PDS5B: variants seen among roughly 807,000 people sequenced by gnomAD.
PDS5B encodes the protein PDS5 cohesin associated factor B, also known as sister chromatid cohesion protein PDS5 homolog B.
PDS5B carries 51 observed loss-of-function variants against 184.1 expected under a neutral mutation model. The ratio of observed to expected loss-of-function variants is 0.28; its 90% CI spans 0.22 to 0.35. PDS5B has a LOEUF of 0.35. PDS5B is among the 10% of genes least tolerant of loss of function. The probability of loss-of-function intolerance (pLI) is 1.00; values close to 1 mark genes in which losing one functional copy is unlikely to be tolerated. For missense variants in PDS5B, 1,180 were observed against 1,723.3 expected, an observed-to-expected ratio of 0.68 and a Z score of 5.58; for synonymous variants, 566 against 569.2, an observed-to-expected ratio of 0.99 and a Z score of 0.08.
chr13:32,647,413 G>A (rs761405974), intron 1 of PDS5B, among the ~76,000 whole-genome samples: 8 of 152,088 alleles, frequency 5.3e-5, no homozygotes, highest in South Asian at 4.1e-4. Context: ...TGGGACTACA[G>A]GGGTGTGCCA....
At chr13:32,715,865 T>G (rs888638047) in intron 19 of PDS5B, among the ~76,000 whole-genome samples, 1 of 152,250 alleles carries the variant, frequency 6.6e-6, no homozygotes, top group East Asian at 1.9e-4. Context: ...TTTGCTGTGT[T>G]GGCCGGGCTG....
At chr13:32,648,526 A>C (rs1355808621) in intron 1 of PDS5B, among the ~76,000 whole-genome samples, 1 of 152,122 alleles carries the variant, frequency 6.6e-6, no homozygotes, top group Non-Finnish European at 1.5e-5. Context: ...GGTTAGGACA[A>C]ATAACAAAGC....
chr13:32,709,076 T>C (rs1177780667), intron 18 of PDS5B, among the ~76,000 whole-genome samples: 1 of 152,078 alleles, frequency 6.6e-6, no homozygotes, highest in Non-Finnish European at 1.5e-5. Flanking sequence ...TTATCATCTA[T>C]GTATGTATCT....
intron 9 of PDS5B, 99 bp from the exon 10 acceptor site, chr13:32,678,736 G>C (rs1482659505): frequency 1.8e-5 from 13 of 715,620 alleles, no homozygotes; most frequent in Non-Finnish European, 3.1e-5. Context: ...TTCATAAACT[G>C]TTTTTTCTTT....
intron 11 of PDS5B, among the ~76,000 whole-genome samples, chr13:32,684,721 G>A (rs577318299): frequency 1.3e-5 from 2 of 152,346 alleles, no homozygotes; most frequent in South Asian, 4.1e-4. Context: ...TAATTTTGGT[G>A]AAGGATGAGA....
intron 1 of PDS5B, among the ~76,000 whole-genome samples, chr13:32,606,844 A>G (rs1210877749): frequency 2.0e-5 from 3 of 152,132 alleles, no homozygotes; most frequent in African/African-American, 7.2e-5. Flanking sequence ...CCTTTCTTCC[A>G]CTTGATCAGA....
At chr13:32,656,151 T>A (rs1182937848) in intron 3 of PDS5B, among the ~76,000 whole-genome samples, 1 of 152,316 alleles carries the variant, frequency 6.6e-6, no homozygotes, top group Admixed American at 6.5e-5. Context: ...GTAGCATTAT[T>A]TCTGGACTTT....
At chr13:32,708,162 C>T (rs1219527755) in intron 18 of PDS5B, among the ~76,000 whole-genome samples, 1 of 152,166 alleles carries the variant, frequency 6.6e-6, no homozygotes, top group African/African-American at 2.4e-5. Flanking sequence ...ACTCTCTGCA[C>T]CCTACCTATG....
chr13:32,641,226 C>CTA (rs1199901145), intron 1 of PDS5B, among the ~76,000 whole-genome samples: 1 of 152,156 alleles, frequency 6.6e-6, no homozygotes. Flanking sequence ...ATGAAAGGAA[C>CTA]TATTATATGT....
At chr13:32,613,210 A>C (rs1484927761) in intron 1 of PDS5B, among the ~76,000 whole-genome samples, 1 of 152,216 alleles carries the variant, frequency 6.6e-6, no homozygotes, top group African/African-American at 2.4e-5. Flanking sequence ...TTTGTGTACA[A>C]GTTTATGTTT....
chr13:32,709,910 AAG>A (rs1232381426), intron 18 of PDS5B, 34 bp from the exon 19 acceptor site: 1 of 1,228,100 alleles, frequency 8.1e-7, no homozygotes, highest in South Asian at 2.6e-5. Context: ...AAAGATGAAA[AAG>A]TTTTACAAAT....
chr13:32,755,667 G>T (rs1472741830), intron 25 of PDS5B, among the ~76,000 whole-genome samples, 175 bp from the exon 26 acceptor site: 1 of 151,970 alleles, frequency 6.6e-6, no homozygotes, highest in Non-Finnish European at 1.5e-5. Flanking sequence ...TCAACACAGG[G>T]TATTTCAATA....
chr13:32,679,030 G>A, intron 10 of PDS5B, 101 bp downstream of exon 10: 1 of 594,028 alleles, frequency 1.7e-6, no homozygotes, highest in Non-Finnish European at 3.0e-6. Context: ...GGGGTGGTAG[G>A]TGAAGTCTTG....
At chr13:32,745,513 T>C (rs1377557671) in intron 23 of PDS5B, among the ~76,000 whole-genome samples, 1 of 152,226 alleles carries the variant, frequency 6.6e-6, no homozygotes, top group East Asian at 1.9e-4. Context: ...TAAATTATTT[T>C]CTGTATTAGC....
At chr13:32,595,678 A>G (rs924926941) in intron 1 of PDS5B, among the ~76,000 whole-genome samples, 2 of 152,212 alleles carry the variant, frequency 1.3e-5, no homozygotes, top group Admixed American at 1.3e-4. Context: ...AGAACTTTGG[A>G]CACGTGAATA....
At position 32,672,880 on chromosome 13, in the gene PDS5B, A is replaced by G. The variant is rs541695098; in HGVS notation, c.706-336A>G. 7.2e-5 allele frequency among the ~76,000 whole-genome samples: 11 copies of G among 152,352 alleles called. No individual in the cohort carries two copies. The East Asian group carries it at 2.1e-3, about 29-fold the overall frequency. ...TTTACCAGCTATCTAGGTATCCCTTAATGCAGTCAAGTTGACACATAAAAT... is the reference window on the plus strand; with the variant it reads ...TTTACCAGCTATCTAGGTATCCCTTGATGCAGTCAAGTTGACACATAAAAT... On this transcript the variant is annotated intron_variant, in intron 7 of 34. Coordinates refer to ENST00000315596, the MANE Select transcript of PDS5B (RefSeq NM_015032.4).
At chr13:32,601,080 G>A (rs756485775) in intron 1 of PDS5B, among the ~76,000 whole-genome samples, 25 of 152,156 alleles carry the variant, frequency 1.6e-4, no homozygotes, top group South Asian at 1.2e-3. Context: ...TGCAAACTGG[G>A]AGTGTCCTCA....
intron 3 of PDS5B, among the ~76,000 whole-genome samples, chr13:32,654,998 TGC>T (rs1950465444): frequency 6.6e-6 from 1 of 152,168 alleles, no homozygotes; most frequent in Middle Eastern, 3.2e-3. Flanking sequence ...TATGCATACA[TGC>T]GTCTTTATGG....
intron 1 of PDS5B, among the ~76,000 whole-genome samples, chr13:32,608,261 A>T (rs1271661025): frequency 6.6e-6 from 1 of 152,108 alleles, no homozygotes; most frequent in African/African-American, 2.4e-5. Flanking sequence ...GAATATGTTC[A>T]CCTGCCTCTT....
Sources: allele counts gnomAD v4.1 joint callset (sites outside exome capture counted in the v4.1 genomes callset), GRCh38; gene constraint gnomAD v4.1.1; transcripts MANE v1.5; gene names NCBI Gene and HGNC (gene_info 2026-07-23, HGNC 2026-07-21).